Variants in SORCS2 observed in about 807,000 individuals in gnomAD.
The protein encoded by SORCS2 is VPS10 domain-containing receptor SorCS2.
In SORCS2, 100 loss-of-function variants were observed where a neutral mutation model predicts 141.6. The observed-to-expected ratio is 0.71, with a 90% CI of 0.60 to 0.83. SORCS2 has a LOEUF of 0.83. Among genes scored for constraint, SORCS2 ranks in the 40% least tolerant of loss-of-function variants. SORCS2 has a pLI of 0.00. For missense variants in SORCS2, 1,646 were observed against 1,560.2 expected (o/e 1.05, Z -0.93); for synonymous variants, 789 against 676.9 (o/e 1.17, Z -2.57).
chr4:7,489,952 C>A (rs1234293453), intron 2 of SORCS2, among the ~76,000 whole-genome samples: 2 of 152,152 alleles, frequency 1.3e-5, no homozygotes, highest in African/African-American at 4.8e-5. Context: ...GAATGCCAGG[C>A]TGGGTTCTCC....
chr4:7,456,419 C>G (rs1426653945), intron 2 of SORCS2, among the ~76,000 whole-genome samples: 1 of 152,180 alleles, frequency 6.6e-6, no homozygotes, highest in Non-Finnish European at 1.5e-5. Flanking sequence ...GACAAGCTGC[C>G]CATCCACCTT....
chr4:7,298,073 C>T (rs2108892938), intron 1 of SORCS2, among the ~76,000 whole-genome samples: 1 of 152,372 alleles, frequency 6.6e-6, no homozygotes, highest in African/African-American at 2.4e-5. Context: ...GTGGGCTGCA[C>T]AGCCAGTGTG....
At chr4:7,694,581 C>T (rs973148009) in intron 11 of SORCS2, among the ~76,000 whole-genome samples, 4 of 152,240 alleles carry the variant, frequency 2.6e-5, no homozygotes, top group African/African-American at 9.6e-5. Flanking sequence ...CCCTGCCCGG[C>T]TCCGCCTGTG....
rs367994603 is a variant in SORCS2 at position 7,209,266 on chromosome 4, G to A, written c.480+16140G>A. On this transcript the variant is annotated intron_variant, in intron 1 of 26. Transcript: ENST00000507866. ...GCGCCCGAGAGCACGCCCCGCCCCC[G>A]TCTGTGAGGACTTGCTGCTGTGCCG... 2.6e-4 allele frequency among the ~76,000 whole-genome samples: 40 copies of A among 152,286 alleles called. No individual in the cohort carries two copies. The South Asian group carries it at 7.1e-3, about 27-fold the overall frequency.
chr4:7,325,294 A>G (rs1316621234), intron 1 of SORCS2, among the ~76,000 whole-genome samples: 2 of 152,168 alleles, frequency 1.3e-5, no homozygotes, highest in South Asian at 2.1e-4. Context: ...CATGAGCCTC[A>G]GTGTCTGCGT....
intron 3 of SORCS2, among the ~76,000 whole-genome samples, chr4:7,551,730 C>A (rs1713717945): frequency 6.6e-6 from 1 of 152,222 alleles, no homozygotes; most frequent in African/African-American, 2.4e-5. Flanking sequence ...GCTCTCCATT[C>A]AGCATCGAAC....
chr4:7,368,502 A>G (rs1224140004), intron 1 of SORCS2, among the ~76,000 whole-genome samples: 2 of 152,154 alleles, frequency 1.3e-5, no homozygotes, highest in African/African-American at 4.8e-5. Context: ...TCCCCCCAGC[A>G]GCCAGCGCAC....
intron 2 of SORCS2, among the ~76,000 whole-genome samples, chr4:7,448,223 C>G (rs2109279695): frequency 6.6e-6 from 1 of 152,262 alleles, no homozygotes; most frequent in Non-Finnish European, 1.5e-5. Context: ...GGGAGAGTGG[C>G]CGGAGTGTGG....
chr4:7,736,787 GA>G (rs1186527298), intron 25 of SORCS2, among the ~76,000 whole-genome samples: 1 of 152,192 alleles, frequency 6.6e-6, no homozygotes, highest in Non-Finnish European at 1.5e-5. Context: ...CCCACGCTTC[GA>G]TTCTCAGGGG....
At chr4:7,670,470 G>T (rs1476785203) in intron 8 of SORCS2, among the ~76,000 whole-genome samples, 1 of 152,168 alleles carries the variant, frequency 6.6e-6, no homozygotes, top group Non-Finnish European at 1.5e-5. Context: ...TCCTGTATTT[G>T]CCATAAATGT....
At chr4:7,372,798 C>T (rs968358699) in intron 1 of SORCS2, among the ~76,000 whole-genome samples, 4 of 152,020 alleles carry the variant, frequency 2.6e-5, no homozygotes, top group Non-Finnish European at 5.9e-5. Context: ...TCCGGAGTGC[C>T]GTATACATGG....
intron 1 of SORCS2, among the ~76,000 whole-genome samples, chr4:7,209,424 C>A (rs189828815): frequency 1.2e-4 from 19 of 152,230 alleles, no homozygotes; most frequent in Admixed American, 1.2e-3. Flanking sequence ...ACTTGGGAGG[C>A]TGTGTAGAGA....
At position 7,356,066 on chromosome 4, in the gene SORCS2, G is replaced by C. The variant is rs998673257; in HGVS notation, c.481-40222G>C. Among the ~76,000 whole-genome samples the C allele has an allele frequency of 2.0e-5, 3 of 152,234 alleles. No homozygotes were observed. In the East Asian group the frequency reaches 5.8e-4, roughly 29 times the overall value. On this transcript the variant is annotated intron_variant, in intron 1 of 26. Transcript: ENST00000507866. ...CTGCCCCAGGGCCTTTGCACCAGCTGTTTGGAGCATTGTTCCCCATCTTCA... is the reference window on the plus strand; with the variant it reads ...CTGCCCCAGGGCCTTTGCACCAGCTCTTTGGAGCATTGTTCCCCATCTTCA...
intron 3 of SORCS2, among the ~76,000 whole-genome samples, chr4:7,587,677 G>T (rs1406701856): frequency 6.6e-6 from 1 of 152,150 alleles, no homozygotes; most frequent in Non-Finnish European, 1.5e-5. Flanking sequence ...CCCAGGGGAG[G>T]TAGGGGGCAC....
At chr4:7,700,720 A>G (rs1324201137) in intron 12 of SORCS2, among the ~76,000 whole-genome samples, 1 of 152,188 alleles carries the variant, frequency 6.6e-6, no homozygotes, top group Non-Finnish European at 1.5e-5. Flanking sequence ...CCGGGGGCAG[A>G]CAGGGCCGTG....
chr4:7,479,818 G>C (rs1390997434), intron 2 of SORCS2, among the ~76,000 whole-genome samples: 3 of 152,262 alleles, frequency 2.0e-5, no homozygotes, highest in African/African-American at 7.2e-5. Context: ...AGCAGAGTCA[G>C]CCTCTCACTC....
intron 2 of SORCS2, among the ~76,000 whole-genome samples, chr4:7,416,057 G>C (rs143074208): frequency 6.6e-6 from 1 of 152,214 alleles, no homozygotes; most frequent in Non-Finnish European, 1.5e-5. Flanking sequence ...CGGCTAAAGC[G>C]TTAGGTGGGA....
chr4:7,309,907 A>C (rs1365256070), intron 1 of SORCS2, among the ~76,000 whole-genome samples: 2 of 152,242 alleles, frequency 1.3e-5, no homozygotes, highest in Non-Finnish European at 2.9e-5. Context: ...TCTCCGGAGC[A>C]GCTCTGCAAG....
intron 2 of SORCS2, among the ~76,000 whole-genome samples, chr4:7,486,918 A>G (rs1179932370): frequency 6.6e-6 from 1 of 152,186 alleles, no homozygotes. Flanking sequence ...CCTTTCTCCA[A>G]ATAAGGTCAC....
Sources: gnomAD v4.1 joint callset for allele counts (sites outside exome capture counted in the v4.1 genomes callset) on GRCh38, gnomAD v4.1.1 for gene constraint, MANE v1.5 for transcripts, NCBI Gene and HGNC (gene_info 2026-07-23, HGNC 2026-07-21) for gene names.